Variants in CNTRL observed in about 807,000 individuals in gnomAD.
CNTRL encodes 110 kDa centrosomal protein.
Under a neutral mutation model 303.7 loss-of-function variants are expected in CNTRL, and 233 were observed. The ratio of observed to expected loss-of-function variants is 0.77; its 90% CI spans 0.69 to 0.86. The LOEUF (loss-of-function observed/expected upper bound fraction) is 0.86. Among genes scored for constraint, CNTRL ranks in the 40% least tolerant of loss-of-function variants. The probability of loss-of-function intolerance (pLI) is 0.00; values close to 1 mark genes in which losing one functional copy is unlikely to be tolerated. For synonymous variants in CNTRL, 900 were observed against 922.2 expected (o/e 0.98, Z 0.44); for missense variants, 2,524 against 2,650.6 (o/e 0.95, Z 1.05).
At chr9:121,086,856 T>C (rs1245744241) in intron 2 of CNTRL, among the ~76,000 whole-genome samples, 1 of 152,158 alleles carries the variant, frequency 6.6e-6, no homozygotes, top group Non-Finnish European at 1.5e-5. Context: ...TTTTGCCATG[T>C]TGGCCAGGCT....
At chr9:121,089,463 G>A (rs1023767149) in intron 3 of CNTRL, among the ~76,000 whole-genome samples, 3 of 152,102 alleles carry the variant, frequency 2.0e-5, no homozygotes, top group East Asian at 3.8e-4. Flanking sequence ...ATGTAATGTG[G>A]CATTAACAGT....
In CNTRL at chr9:121,136,101, G is replaced by T. The variant is rs1237694238; in HGVS notation, c.2202+119G>T. 3.3e-6 allele frequency: 3 copies of T among 906,860 alleles called. No individual in the cohort carries two copies. The African/African-American group carries it at 5.0e-5, about 15-fold the overall frequency. The allele number at this position is 906,860 out of a possible 1,614,324, so 56.2% of individuals were successfully genotyped here. A position where few individuals can be genotyped will look rare whatever the true frequency, so the allele number is the denominator to read the frequency against. ...TTTTTTCATACAATATATATGGAGT[G>T]ATGGGAAAGGCAGAATTTTGGAGTC... is the stretch of plus-strand genomic sequence containing the variant. On this transcript the variant is annotated intron_variant, in intron 15 of 43. Transcript: ENST00000373855.
At chr9:121,106,633 A>G (rs1371451197) in intron 7 of CNTRL, among the ~76,000 whole-genome samples, 1 of 152,138 alleles carries the variant, frequency 6.6e-6, no homozygotes, top group Non-Finnish European at 1.5e-5. Context: ...TTGAGAAGAA[A>G]GAGGAAGGTA....
rs762896883 is a variant in CNTRL at position 121,141,427 on chromosome 9, C to T, written c.2530C>T (p.Gln844Ter). Residue 844 changes from glutamine to a stop codon, truncating the protein, a stop_gained, in exon 18 of 44, where the codon CAG becomes TAG. Coordinates refer to ENST00000373855, the MANE Select transcript of CNTRL (RefSeq NM_007018.6). LOFTEE classifies it high-confidence loss of function. Reference protein sequence around the residue: ...DVLGKSLADLQKQFSEILARS... With the variant: ...DVLGKSLADL ...CTTAGGGAAAAGTCTTGCTGATTTA[C>T]AGAAACAATTCAGTGAAATTCTTGC... is the stretch of plus-strand genomic sequence containing the variant. 1 of 1,613,986 alleles carries T rather than the reference C, an allele frequency of 6.2e-7. No homozygotes were observed.
chr9:121,155,323 C>T (rs945534889), intron 27 of CNTRL, among the ~76,000 whole-genome samples: 2 of 152,118 alleles, frequency 1.3e-5, no homozygotes, highest in Non-Finnish European at 2.9e-5. Context: ...ATGGACCTCA[C>T]AAGTATTACT....
In CNTRL at chr9:121,150,158, AT is replaced by A. The variant is rs2052139176; in HGVS notation, c.3650-9del. ...TTTTGTTGAATAAACTCTTCTGTTT[AT>A]TTCTTTGAAGATGCAGACAGTGGAG... On this transcript the variant is annotated splice_polypyrimidine_tract_variant and intron_variant, in intron 24 of 43. Coordinates refer to ENST00000373855, the MANE Select transcript of CNTRL (RefSeq NM_007018.6). The A allele has an allele frequency of 6.3e-7, 1 of 1,588,798 alleles. No individual in the cohort carries two copies. The highest frequency in any genetic ancestry group is 2.2e-5 in the East Asian group (1 of 44,544).
At chr9:121,121,923 A>G (rs992858374) in intron 12 of CNTRL, 40 of 985,278 alleles carry the variant, frequency 4.1e-5, no homozygotes, top group Middle Eastern at 5.2e-4. Context: ...TCAACGGCTC[A>G]GTTTTAACAG....
intron 7 of CNTRL, among the ~76,000 whole-genome samples, chr9:121,102,584 C>T (rs1219855255): frequency 6.6e-6 from 1 of 152,134 alleles, no homozygotes; most frequent in Non-Finnish European, 1.5e-5. Context: ...AGGATGTTCA[C>T]TTAGGAAAAG....
chr9:121,135,700 AG>A (rs2051148935), intron 14 of CNTRL, 105 bp from the exon 15 acceptor site: 1 of 1,011,232 alleles, frequency 9.9e-7, no homozygotes, highest in East Asian at 2.6e-5. Flanking sequence ...AGGCATCAGT[AG>A]CTGGCCAGCA....
intron 20 of CNTRL, 42 bp from the exon 21 acceptor site, chr9:121,144,801 T>C: frequency 7.1e-7 from 1 of 1,406,858 alleles, no homozygotes; most frequent in African/African-American, 1.4e-5. Context: ...GAAGACAACC[T>C]GTGATAGCAG....
intron 14 of CNTRL, 55 bp downstream of exon 14, chr9:121,125,991 AT>A: frequency 1.4e-6 from 2 of 1,435,246 alleles, no homozygotes; most frequent in Non-Finnish European, 2.0e-6. Flanking sequence ...TAATGTCCAA[AT>A]TAAGTTAGTT....
chr9:121,141,682 A>G, intron 18 of CNTRL, 94 bp downstream of exon 18: 2 of 1,150,080 alleles, frequency 1.7e-6, no homozygotes, highest in Non-Finnish European at 2.5e-6. Context: ...ATGTAAATAC[A>G]ACATAATTGT....
In CNTRL at chr9:121,143,997, T is replaced by C; in HGVS notation, c.2966T>C (p.Leu989Pro). 2 of 1,613,986 alleles carry C rather than the reference T, an allele frequency of 1.2e-6. No homozygotes were observed. Among genetic ancestry groups the C allele is most frequent in the Non-Finnish European group, 1.7e-6 (2 of 1,179,900 alleles). Reference sequence around the variant, plus strand: ...AAAGCCGTGGCCACCTCTGATAAGCTAGCCACAGCTGAGCTCACCATTGCC... The same window carrying C: ...AAAGCCGTGGCCACCTCTGATAAGCCAGCCACAGCTGAGCTCACCATTGCC... ...LKKAVATSDK[L>P]ATAELTIAKD... Residue 989 changes from leucine to proline, a missense_variant, in exon 20 of 44, where the codon CTA becomes CCA. Leu to Pro is a moderately conservative substitution (Grantham distance 98). Transcript: ENST00000373855.
At chr9:121,158,465 C>A (rs1326270843) in intron 30 of CNTRL, 2 of 225,352 alleles carry the variant, frequency 8.9e-6, no homozygotes, top group African/African-American at 2.3e-5. Context: ...TTTTTGTAAA[C>A]AAATACGTAT....
At chr9:121,133,171 A>G (rs2050972199) in intron 14 of CNTRL, among the ~76,000 whole-genome samples, 1 of 152,250 alleles carries the variant, frequency 6.6e-6, no homozygotes, top group South Asian at 2.1e-4. Context: ...TGCTCTCTTC[A>G]GAGCTGTCCT....
rs2053470568 is a variant in CNTRL, at chr9:121,175,217, A to G, written c.6947A>G (p.Gln2316Arg). The change falls in exon 43 of 44, where the codon CAA (glutamine) becomes CGA (arginine). Residue 2316 changes from glutamine (Q) to arginine (R), a missense_variant. Transcript: ENST00000373855. ...CTCACAGAGGACTCTCAACTTGGAC[A>G]AAATCAGGTAAGCAGCAGCTCTTTT... ...SSLTEDSQLG[Q>R]NQEKNASAR 2 of 1,613,978 alleles carry G rather than the reference A, an allele frequency of 1.2e-6. No individual in the cohort carries two copies. The highest frequency in any genetic ancestry group is 4.5e-5 in the East Asian group (2 of 44,868).
rs770675480 is a variant in CNTRL, at chr9:121,148,907, A to G, written c.3649+46A>G. On this transcript the variant is annotated intron_variant, in intron 24 of 43. Transcript: ENST00000373855. ...AAGTTGCATTTCTCTTGCCCGTTTA[A>G]TAACCTTTTACTGATTCTCTGAAAC... 11 of 1,548,378 alleles carry G rather than the reference A, an allele frequency of 7.1e-6. No homozygotes were observed. In the African/African-American group the frequency reaches 1.5e-4, roughly 21 times the overall value.
Position 121,169,743 on chromosome 9 carries a change from A to C in CNTRL, c.6203A>C (p.Lys2068Thr). The C allele has an allele frequency of 6.2e-7, 1 of 1,614,212 alleles. No individual in the cohort carries two copies. Among genetic ancestry groups the C allele is most frequent in the African/African-American group, 1.3e-5 (1 of 75,064 alleles). The change falls in exon 39 of 44, where the codon AAA becomes ACA. Residue 2068 changes from lysine (K) to threonine (T), a missense_variant. Physicochemically the swap from Lys to Thr is moderately conservative, Grantham distance 78 (BLOSUM62 -1). Coordinates refer to ENST00000373855, the MANE Select transcript of CNTRL (RefSeq NM_007018.6). ...AACCAGTTCTTGACAGAAAGAAAGA[A>C]AGCTGAGAAGCAGGTGGCCAGCCTG... ...LRNQFLTERK[K>T]AEKQVASLKE...
At chr9:121,144,786 A>G in intron 20 of CNTRL, 57 bp from the exon 21 acceptor site, 1 of 1,317,912 alleles carries the variant, frequency 7.6e-7, no homozygotes, top group Non-Finnish European at 1.1e-6. Context: ...AGAGGAAGAA[A>G]TGAAGAAGAC....
Sources: gnomAD v4.1 joint callset for allele counts (sites outside exome capture counted in the v4.1 genomes callset) on GRCh38, gnomAD v4.1.1 for gene constraint, MANE v1.5 for transcripts, NCBI Gene and HGNC (gene_info 2026-07-23, HGNC 2026-07-21) for gene names.